The following LUZP2 variants were observed in gnomAD, a reference collection of about 807,000 sequenced individuals.
LUZP2 encodes leucine zipper protein 2.
LUZP2 carries 52 observed loss-of-function variants against 51.6 expected under a neutral mutation model. That is an observed-to-expected ratio of 1.01 (90% confidence interval 0.81 to 1.27). The LOEUF is 1.27. LUZP2 is among the 50% of genes most tolerant of loss of function. The pLI is 0.00. For synonymous variants in LUZP2, 154 were observed against 137.3 expected, an observed-to-expected ratio of 1.12 and a Z score of -0.85; for missense variants, 436 against 395.4, an observed-to-expected ratio of 1.10 and a Z score of -0.87.
chr11:24,879,698 G>C (rs1241142139), intron 5 of LUZP2, among the ~76,000 whole-genome samples: 2 of 152,010 alleles, frequency 1.3e-5, no homozygotes, highest in Admixed American at 6.6e-5. Context: ...CCATATGTTT[G>C]TTGGCCATTA....
At chr11:24,829,349 G>A (rs912984084) in intron 5 of LUZP2, among the ~76,000 whole-genome samples, 11 of 152,088 alleles carry the variant, frequency 7.2e-5, no homozygotes, top group East Asian at 1.9e-4. Flanking sequence ...AAAAGTGTGC[G>A]TGCATGTACA....
intron 1 of LUZP2, among the ~76,000 whole-genome samples, chr11:24,587,900 G>A (rs987688011): frequency 5.3e-5 from 8 of 152,152 alleles, no homozygotes; most frequent in African/African-American, 1.9e-4. Flanking sequence ...TTCCATGGAT[G>A]CTGGACATTA....
intron 9 of LUZP2, among the ~76,000 whole-genome samples, chr11:25,043,194 G>A (rs1858130454): frequency 6.6e-6 from 1 of 152,114 alleles, no homozygotes; most frequent in African/African-American, 2.4e-5. Context: ...TGATTTTTCT[G>A]TTGTAGACCA....
chr11:24,690,165 A>G (rs1857022983), intron 1 of LUZP2, among the ~76,000 whole-genome samples: 1 of 152,120 alleles, frequency 6.6e-6, no homozygotes, highest in Non-Finnish European at 1.5e-5. Flanking sequence ...GTAGTGCAAC[A>G]TATTACATTA....
intron 1 of LUZP2, among the ~76,000 whole-genome samples, chr11:24,581,337 G>C (rs1852846855): frequency 6.6e-6 from 1 of 152,048 alleles, no homozygotes; most frequent in Non-Finnish European, 1.5e-5. Flanking sequence ...CATTTAAATG[G>C]TAACAGGTAT....
At chr11:24,897,256 A>G (rs553551483) in intron 5 of LUZP2, among the ~76,000 whole-genome samples, 1 of 152,236 alleles carries the variant, frequency 6.6e-6, no homozygotes, top group South Asian at 2.1e-4. Context: ...TGGGCCAATC[A>G]GCAGGATGCA....
intron 9 of LUZP2, among the ~76,000 whole-genome samples, chr11:25,044,124 A>ATATATATAGT (rs369918542): frequency 8.7e-6 from 1 of 114,352 alleles, no homozygotes; most frequent in Non-Finnish European, 2.0e-5. Flanking sequence ...TATATCAGAT[A>ATATATATAGT]CATATGTAGT....
chr11:25,034,137 A>C (rs1035653028), intron 9 of LUZP2, among the ~76,000 whole-genome samples: 1 of 151,972 alleles, frequency 6.6e-6, no homozygotes, highest in Non-Finnish European at 1.5e-5. Flanking sequence ...TGGTGTGTGA[A>C]ATAATTTTGT....
chr11:24,634,824 C>G (rs1303956623), intron 1 of LUZP2, among the ~76,000 whole-genome samples: 2 of 152,010 alleles, frequency 1.3e-5, no homozygotes, highest in Non-Finnish European at 2.9e-5. Context: ...AACACAACAT[C>G]AAATAGAATA....
chr11:24,545,249 G>A (rs148259332), intron 1 of LUZP2, among the ~76,000 whole-genome samples: 2,615 of 150,296 alleles, frequency 0.017, 58 homozygotes, highest in South Asian at 0.056. Context: ...TCTCTTGATA[G>A]TTTCTTTTGC....
chr11:24,902,051 G>A (rs1853296101), intron 5 of LUZP2, among the ~76,000 whole-genome samples: 1 of 152,074 alleles, frequency 6.6e-6, no homozygotes. Flanking sequence ...TTCTAGTAAT[G>A]AGAAAAGTTA....
intron 5 of LUZP2, among the ~76,000 whole-genome samples, chr11:24,885,211 G>A (rs1489256553): frequency 6.6e-6 from 1 of 152,024 alleles, no homozygotes; most frequent in African/African-American, 2.4e-5. Context: ...TGATGTCAAA[G>A]CCCTCAACCT....
chr11:24,780,664 G>C (rs1246781202), intron 5 of LUZP2, among the ~76,000 whole-genome samples: 3 of 152,082 alleles, frequency 2.0e-5, no homozygotes. Context: ...GACAGGGCCA[G>C]ACTCCATATT....
At chr11:24,823,193 C>G (rs1351585565) in intron 5 of LUZP2, among the ~76,000 whole-genome samples, 1 of 152,086 alleles carries the variant, frequency 6.6e-6, no homozygotes, top group Admixed American at 6.5e-5. Flanking sequence ...GCAGGTTTCT[C>G]TAAAATGCAG....
intron 1 of LUZP2, among the ~76,000 whole-genome samples, chr11:24,702,302 A>T (rs181564722): frequency 1.9e-4 from 29 of 152,364 alleles, no homozygotes; most frequent in African/African-American, 7.0e-4. Flanking sequence ...TGTGTTAAGA[A>T]TTGTGTACAA....
At chr11:24,789,533 A>G (rs1849347108) in intron 5 of LUZP2, among the ~76,000 whole-genome samples, 1 of 152,228 alleles carries the variant, frequency 6.6e-6, no homozygotes, top group South Asian at 2.1e-4. Context: ...TAAATCATAC[A>G]AAGTAATTTT....
intron 9 of LUZP2, among the ~76,000 whole-genome samples, chr11:24,987,209 T>C (rs1404407959): frequency 6.6e-6 from 1 of 151,954 alleles, no homozygotes; most frequent in Middle Eastern, 3.2e-3. Context: ...TGAAAACACC[T>C]GAAGAAAATT....
intron 1 of LUZP2, among the ~76,000 whole-genome samples, chr11:24,653,289 T>C (rs1464844120): frequency 2.0e-5 from 3 of 152,132 alleles, no homozygotes; most frequent in African/African-American, 7.2e-5. Context: ...TTTTACCGAA[T>C]TGAATGTTGG....
chr11:24,928,359 G>A (rs1854341620), intron 7 of LUZP2, among the ~76,000 whole-genome samples: 1 of 151,708 alleles, frequency 6.6e-6, no homozygotes, highest in Admixed American at 6.6e-5. Flanking sequence ...TTAGTACTGT[G>A]TTTGTCCTCA....
Sources: gnomAD v4.1 joint callset for allele counts (sites outside exome capture counted in the v4.1 genomes callset) on GRCh38, gnomAD v4.1.1 for gene constraint, MANE v1.5 for transcripts, NCBI Gene and HGNC (gene_info 2026-07-23, HGNC 2026-07-21) for gene names.